NMNAT2: variants seen among roughly 807,000 people sequenced by gnomAD.
NMNAT2 encodes the protein nicotinamide/nicotinic acid mononucleotide adenylyltransferase 2.
Under a neutral mutation model 41.6 loss-of-function variants are expected in NMNAT2, and 11 were observed. The ratio of observed to expected loss-of-function variants is 0.26; its 90% CI spans 0.17 to 0.44. The LOEUF (loss-of-function observed/expected upper bound fraction) is 0.44. Among genes scored for constraint, NMNAT2 ranks in the 20% least tolerant of loss-of-function variants. The probability of loss-of-function intolerance (pLI) is 1.00; values close to 1 mark genes in which losing one functional copy is unlikely to be tolerated. For synonymous variants in NMNAT2, 148 were observed against 151.2 expected (o/e 0.98, Z 0.16); for missense variants, 288 against 407.7 (o/e 0.71, Z 2.53).
chr1:183,381,376 T>C (rs1367133877), intron 1 of NMNAT2, among the ~76,000 whole-genome samples: 1 of 152,116 alleles, frequency 6.6e-6, no homozygotes, highest in Non-Finnish European at 1.5e-5. Flanking sequence ...ACAATAATAA[T>C]GGGTACTATT....
In NMNAT2 at chr1:183,261,192, G is replaced by A; in HGVS notation, c.753+10C>T. On this transcript the variant is annotated intron_variant, in intron 9 of 10. Transcript: ENST00000287713. The stretch of plus-strand genomic sequence containing the variant: ...ATAACACAGATGCACTAGCAGGATG[G>A]AGGACTCACTTTGTATTTGCGGAGT... The A allele has an allele frequency of 3.1e-6, 5 of 1,613,110 alleles. No homozygotes were observed. The highest frequency in any genetic ancestry group is 4.2e-6 in the Non-Finnish European group (5 of 1,179,052).
chr1:183,315,795 A>G (rs901113753), intron 1 of NMNAT2, among the ~76,000 whole-genome samples: 1 of 150,916 alleles, frequency 6.6e-6, no homozygotes, highest in Admixed American at 6.6e-5. Context: ...AAAAAAAAAA[A>G]GCAAAGAATG....
intron 1 of NMNAT2, among the ~76,000 whole-genome samples, chr1:183,318,037 G>A (rs1165400126): frequency 6.6e-6 from 1 of 152,172 alleles, no homozygotes; most frequent in Non-Finnish European, 1.5e-5. Context: ...ATTATGTTCT[G>A]GGCACTGTTC....
At chr1:183,414,456 G>T (rs1218592990) in intron 1 of NMNAT2, among the ~76,000 whole-genome samples, 2 of 152,140 alleles carry the variant, frequency 1.3e-5, no homozygotes, top group African/African-American at 4.8e-5. Context: ...TGTAAAGAAA[G>T]CTACATTAAA....
chr1:183,389,461 C>T (rs1471126701), intron 1 of NMNAT2, among the ~76,000 whole-genome samples: 2 of 152,052 alleles, frequency 1.3e-5, no homozygotes, highest in African/African-American at 2.4e-5. Flanking sequence ...CATAACCTCT[C>T]GCCACCTAGG....
At chr1:183,289,032 C>A (rs1191990386) in intron 4 of NMNAT2, among the ~76,000 whole-genome samples, 3 of 152,214 alleles carry the variant, frequency 2.0e-5, no homozygotes, top group East Asian at 3.8e-4. Context: ...GCCCTTAGCT[C>A]CCCAGGACGG....
intron 1 of NMNAT2, among the ~76,000 whole-genome samples, chr1:183,336,796 A>G (rs1349442154): frequency 6.6e-6 from 1 of 152,250 alleles, no homozygotes; most frequent in African/African-American, 2.4e-5. Flanking sequence ...GCTACAAACC[A>G]GAAACAACCC....
intron 1 of NMNAT2, among the ~76,000 whole-genome samples, chr1:183,343,616 G>A (rs1261070313): frequency 6.6e-6 from 1 of 152,204 alleles, no homozygotes; most frequent in Non-Finnish European, 1.5e-5. Flanking sequence ...TTACTTGAAT[G>A]AATGGAGATT....
intron 8 of NMNAT2, among the ~76,000 whole-genome samples, chr1:183,272,802 T>G (rs1363913938): frequency 6.6e-6 from 1 of 152,214 alleles, no homozygotes; most frequent in Non-Finnish European, 1.5e-5. Flanking sequence ...CCCAGACCCA[T>G]TTGAACCAGT....
chr1:183,287,734 C>A (rs189639413), intron 4 of NMNAT2, among the ~76,000 whole-genome samples: 1 of 152,342 alleles, frequency 6.6e-6, no homozygotes, highest in African/African-American at 2.4e-5. Context: ...CAAAAGCCAG[C>A]TGCCTGGGTA....
chr1:183,326,682 G>A (rs903789148), intron 1 of NMNAT2, among the ~76,000 whole-genome samples: 1 of 152,190 alleles, frequency 6.6e-6, no homozygotes, highest in Admixed American at 6.5e-5. Context: ...ATTTAAGAAA[G>A]AGAGTGACAT....
At chr1:183,342,034 T>TC (rs1447598472) in intron 1 of NMNAT2, among the ~76,000 whole-genome samples, 3 of 151,528 alleles carry the variant, frequency 2.0e-5, no homozygotes, top group Non-Finnish European at 4.4e-5. Flanking sequence ...TTTTTTTTTT[T>TC]TTTTTTTACC....
chr1:183,376,802 A>G (rs1308781699), intron 1 of NMNAT2, among the ~76,000 whole-genome samples: 3 of 152,194 alleles, frequency 2.0e-5, no homozygotes, highest in Non-Finnish European at 2.9e-5. Flanking sequence ...CAGGGGCTCC[A>G]GCAACCCCTT....
intron 1 of NMNAT2, among the ~76,000 whole-genome samples, chr1:183,334,696 G>A (rs1202501456): frequency 6.6e-6 from 1 of 150,586 alleles, no homozygotes; most frequent in Non-Finnish European, 1.5e-5. Flanking sequence ...TTTTAGTGGA[G>A]ATGGGGTTTC....
chr1:183,252,568 CAG>C lies in NMNAT2; in HGVS notation c.*71_*72del, dbSNP rs1156638140. Reference sequence around the variant, plus strand: ...CAGTCAAGACGAGGAGATGGAGAAACAGAGAGGCAGGAGAGAAACAGGGGGCT... The same window carrying C: ...CAGTCAAGACGAGGAGATGGAGAAACAGAGGCAGGAGAGAAACAGGGGGCT... On this transcript the variant is annotated 3_prime_UTR_variant, in exon 11 of 11. Transcript: ENST00000287713. The C allele has an allele frequency of 3.9e-5, 42 of 1,074,264 alleles. No individual in the cohort carries two copies. In the Admixed American group the frequency reaches 7.1e-4, roughly 18 times the overall value. 66.5% of individuals were successfully genotyped at this position (1,074,264 alleles called of 1,614,324 possible). A position where few individuals can be genotyped will look rare whatever the true frequency, so the allele number is the denominator to read the frequency against.
intron 1 of NMNAT2, among the ~76,000 whole-genome samples, chr1:183,358,571 C>A (rs1418696933): frequency 6.6e-6 from 1 of 152,134 alleles, no homozygotes; most frequent in Non-Finnish European, 1.5e-5. Context: ...TTCTGCAACA[C>A]CTTGATCCAA....
At chr1:183,286,553 C>T (rs1272086458) in intron 5 of NMNAT2, 109 bp downstream of exon 5, 3 of 880,248 alleles carry the variant, frequency 3.4e-6, no homozygotes, top group African/African-American at 3.4e-5. Flanking sequence ...TCCTCTTTCC[C>T]CTCTCAGACC....
At chr1:183,304,664 A>T in intron 1 of NMNAT2, 9 of 1,613,282 alleles carry the variant, frequency 5.6e-6, no homozygotes, top group Non-Finnish European at 7.6e-6. Context: ...GGCTGTCTGA[A>T]CTCACCTGAG....
intron 1 of NMNAT2, among the ~76,000 whole-genome samples, chr1:183,363,788 G>T (rs184800976): frequency 6.6e-6 from 1 of 152,162 alleles, no homozygotes; most frequent in African/African-American, 2.4e-5. Flanking sequence ...GCTTGAGAGG[G>T]TTGGATAACA....
Sources: gnomAD v4.1 joint callset for allele counts (sites outside exome capture counted in the v4.1 genomes callset) on GRCh38, gnomAD v4.1.1 for gene constraint, MANE v1.5 for transcripts, NCBI Gene and HGNC (gene_info 2026-07-23, HGNC 2026-07-21) for gene names.